Variants in CDH4 observed in about 807,000 individuals in gnomAD.
CDH4 encodes cadherin 4, also known as cadherin-4.
A neutral mutation model predicts 86.0 loss-of-function variants in CDH4; 33 were observed. That is an observed-to-expected ratio of 0.38 (90% CI 0.29 to 0.51). The LOEUF (loss-of-function observed/expected upper bound fraction) is 0.51, where lower values mean the gene tolerates loss of function less well. Ranked by LOEUF, CDH4 falls within the 20% of genes least tolerant of loss-of-function variation. The pLI is 0.86. For synonymous variants in CDH4, 555 were observed against 549.4 expected (o/e 1.01, Z -0.14); for missense variants, 1,114 against 1,307.4 (o/e 0.85, Z 2.28).
intron 4 of CDH4, among the ~76,000 whole-genome samples, chr20:61,780,222 G>A (rs1308620004): frequency 4.6e-5 from 7 of 152,028 alleles, no homozygotes; most frequent in Admixed American, 6.6e-5. Context: ...AGACTGGCTC[G>A]TAGCCTTGGT....
chr20:61,621,280 G>C (rs2086775019), intron 2 of CDH4, among the ~76,000 whole-genome samples: 1 of 152,134 alleles, frequency 6.6e-6, no homozygotes, highest in Non-Finnish European at 1.5e-5. Context: ...CCTAGAACGC[G>C]CTGTCAAGAT....
At chr20:61,786,217 C>T (rs1313893331) in intron 4 of CDH4, among the ~76,000 whole-genome samples, 1 of 152,120 alleles carries the variant, frequency 6.6e-6, no homozygotes, top group Non-Finnish European at 1.5e-5. Flanking sequence ...ATTGGCCCAT[C>T]ACCTACACTT....
At chr20:61,549,601 C>T (rs1262867101) in intron 2 of CDH4, among the ~76,000 whole-genome samples, 1 of 152,208 alleles carries the variant, frequency 6.6e-6, no homozygotes, top group Non-Finnish European at 1.5e-5. Context: ...TCCATGAGGG[C>T]TCGCAGCCTC....
At chr20:61,698,001 G>A (rs527982665) in intron 2 of CDH4, among the ~76,000 whole-genome samples, 88 of 152,352 alleles carry the variant, frequency 5.8e-4, no homozygotes, top group African/African-American at 1.7e-3. Flanking sequence ...TGGCCTGGCC[G>A]GCCATTCCTT....
intron 2 of CDH4, among the ~76,000 whole-genome samples, chr20:61,431,637 G>A (rs927524176): frequency 1.3e-5 from 2 of 152,102 alleles, no homozygotes; most frequent in African/African-American, 4.8e-5. Context: ...TGGGACTATA[G>A]GAGTGAACAG....
Position 61,879,098 on chromosome 20 carries a change from G to T in CDH4, c.1050+5198G>T, listed in dbSNP as rs1471107288. On this transcript the variant is annotated intron_variant, in intron 7 of 15. Transcript: ENST00000614565. The surrounding 1 kb of genome is among the most constrained non-coding windows in gnomAD (Gnocchi z 4.1). ...ACGGCTCCAGGACCACCGTTGCCAG[G>T]CATTAGTAAACCCACGCAGGCGGCC... 6.6e-6 allele frequency among the ~76,000 whole-genome samples: 1 copy of T among 152,220 alleles called. No homozygotes were observed. Among genetic ancestry groups the T allele is most frequent in the Non-Finnish European group, 1.5e-5 (1 of 68,034 alleles).
chr20:61,838,593 C>T (rs1981983121), intron 4 of CDH4, among the ~76,000 whole-genome samples: 1 of 151,972 alleles, frequency 6.6e-6, no homozygotes, highest in South Asian at 2.1e-4. Context: ...GGGCAGATCA[C>T]CTGAGGTTGA....
At chr20:61,919,518 C>A (rs1193746265) in intron 9 of CDH4, among the ~76,000 whole-genome samples, 1 of 152,258 alleles carries the variant, frequency 6.6e-6, no homozygotes, top group Non-Finnish European at 1.5e-5. Flanking sequence ...GGCCTGCCTG[C>A]CTGCAGGTGG....
At chr20:61,666,520 G>C (rs530388445) in intron 2 of CDH4, among the ~76,000 whole-genome samples, 26 of 152,342 alleles carry the variant, frequency 1.7e-4, no homozygotes, top group African/African-American at 6.3e-4. Context: ...GAGGGAGGAT[G>C]ATGGCATGGC....
intron 2 of CDH4, among the ~76,000 whole-genome samples, chr20:61,289,002 C>T (rs2084307666): frequency 6.6e-6 from 1 of 152,178 alleles, no homozygotes; most frequent in African/African-American, 2.4e-5. Context: ...CTAGGAATTC[C>T]TTCTCTTTCT....
intron 2 of CDH4, among the ~76,000 whole-genome samples, chr20:61,385,081 C>T (rs2084943582): frequency 6.6e-6 from 1 of 152,174 alleles, no homozygotes; most frequent in Non-Finnish European, 1.5e-5. Context: ...TTTGGAACTG[C>T]TTTAAACTGA....
intron 2 of CDH4, among the ~76,000 whole-genome samples, chr20:61,576,105 G>A (rs1449861224): frequency 6.6e-6 from 1 of 152,216 alleles, no homozygotes; most frequent in African/African-American, 2.4e-5. Flanking sequence ...TCGGAGGCAC[G>A]CAGTGTGGGC....
At chr20:61,360,008 CA>C (rs2084775213) in intron 2 of CDH4, among the ~76,000 whole-genome samples, 2 of 152,128 alleles carry the variant, frequency 1.3e-5, no homozygotes, top group Non-Finnish European at 2.9e-5. Context: ...ATCCTGGTTC[CA>C]AAAAGAAGCA....
At chr20:61,299,616 C>G (rs2084375534) in intron 2 of CDH4, among the ~76,000 whole-genome samples, 1 of 152,146 alleles carries the variant, frequency 6.6e-6, no homozygotes, top group South Asian at 2.1e-4. Context: ...TTCTCTGTTC[C>G]AAGCTTGCCT....
At chr20:61,452,131 G>A (rs978340771) in intron 2 of CDH4, among the ~76,000 whole-genome samples, 21 of 152,272 alleles carry the variant, frequency 1.4e-4, no homozygotes, top group South Asian at 1.2e-3. Flanking sequence ...AGAGTTGCGC[G>A]GCTGGTGGAG....
At chr20:61,630,140 C>T (rs563267357) in intron 2 of CDH4, among the ~76,000 whole-genome samples, 75 of 152,344 alleles carry the variant, frequency 4.9e-4, no homozygotes, top group African/African-American at 1.6e-3. Context: ...GAGGCAAATC[C>T]ACCCCAGTCC....
intron 2 of CDH4, among the ~76,000 whole-genome samples, chr20:61,678,393 G>A (rs2087470705): frequency 6.6e-6 from 1 of 152,202 alleles, no homozygotes; most frequent in African/African-American, 2.4e-5. Flanking sequence ...ATTTTCTGAA[G>A]ATGGTAACTG....
At chr20:61,264,097 T>A (rs2123125458) in intron 2 of CDH4, among the ~76,000 whole-genome samples, 1 of 152,304 alleles carries the variant, frequency 6.6e-6, no homozygotes, top group South Asian at 2.1e-4. Context: ...GCCTCCGGAA[T>A]TAGGATGGGG....
At chr20:61,707,466 T>C (rs2087844022) in intron 2 of CDH4, among the ~76,000 whole-genome samples, 1 of 152,174 alleles carries the variant, frequency 6.6e-6, no homozygotes, top group Non-Finnish European at 1.5e-5. Flanking sequence ...CACCCTGGGG[T>C]GCTGGGTGAA....
Sources: allele counts gnomAD v4.1 joint callset (sites outside exome capture counted in the v4.1 genomes callset), GRCh38; gene constraint gnomAD v4.1.1; non-coding constraint Gnocchi (gnomAD v3.1); transcripts MANE v1.5; gene names NCBI Gene and HGNC (gene_info 2026-07-23, HGNC 2026-07-21).